The following KCNMB2 variants were observed in gnomAD, a reference collection of about 807,000 sequenced individuals.
KCNMB2 encodes the protein potassium calcium-activated channel subfamily M regulatory beta subunit 2, also known as calcium-activated potassium channel subunit beta-2.
In KCNMB2, 9 loss-of-function variants were observed where a neutral mutation model predicts 24.5. The observed-to-expected ratio is 0.37, with a 90% CI of 0.22 to 0.64. The LOEUF (loss-of-function observed/expected upper bound fraction) is 0.64. Ranked by LOEUF, KCNMB2 falls within the 30% of genes least tolerant of loss-of-function variation. The pLI is 0.63. For missense variants in KCNMB2, 226 were observed against 284.3 expected, an observed-to-expected ratio of 0.79 and a Z score of 1.47; for synonymous variants, 109 against 104.4, an observed-to-expected ratio of 1.04 and a Z score of -0.27.
At chr3:178,649,569 G>T (rs1419130556) in intron 1 of KCNMB2, among the ~76,000 whole-genome samples, 3 of 151,852 alleles carry the variant, frequency 2.0e-5, no homozygotes, top group African/African-American at 7.3e-5. Context: ...GTCTATTCAG[G>T]GATTTGACTG....
At chr3:178,625,783 G>A (rs1353232940) in intron 1 of KCNMB2, among the ~76,000 whole-genome samples, 1 of 152,154 alleles carries the variant, frequency 6.6e-6, no homozygotes, top group Non-Finnish European at 1.5e-5. Flanking sequence ...TGTAGTATAT[G>A]CTCAATATCC....
At position 178,842,892 on chromosome 3, in the gene KCNMB2, G is replaced by A. The variant is rs1367668075; in HGVS notation, c.663G>A (p.Gln221=). The change falls in exon 5 of 5, where the codon CAG becomes CAA. Residue 221 remains glutamine (Q), a synonymous_variant. Coordinates refer to ENST00000452583, the MANE Select transcript of KCNMB2 (RefSeq NM_181361.3). ...TTGTTGCCATGGTGAAACTTACACA[G>A]TACCTCTCCCTACTATGTGAGAGGA... is the stretch of plus-strand genomic sequence containing the variant. ...VAIVAMVKLT[Q]YLSLLCERIQ... The A allele has an allele frequency of 6.2e-7, 1 of 1,613,864 alleles. No homozygotes were observed. The highest frequency in any genetic ancestry group is 8.5e-7 in the Non-Finnish European group (1 of 1,179,826).
At chr3:178,691,788 G>C (rs1721688618) in intron 1 of KCNMB2, among the ~76,000 whole-genome samples, 1 of 152,060 alleles carries the variant, frequency 6.6e-6, no homozygotes, top group African/African-American at 2.4e-5. Flanking sequence ...TTGTTGGGTG[G>C]AATGGTATTT....
chr3:178,610,787 A>C (rs1327157681), intron 1 of KCNMB2, among the ~76,000 whole-genome samples: 3 of 152,190 alleles, frequency 2.0e-5, no homozygotes, highest in African/African-American at 7.2e-5. Flanking sequence ...ACTATTTTGA[A>C]TAGAATCCTT....
chr3:178,584,978 G>A (rs929422487), intron 1 of KCNMB2, among the ~76,000 whole-genome samples: 1 of 152,146 alleles, frequency 6.6e-6, no homozygotes, highest in African/African-American at 2.4e-5. Flanking sequence ...TATCTACAAT[G>A]TTCTTTCTTG....
At chr3:178,827,550 T>C (rs1332093179) in intron 3 of KCNMB2, among the ~76,000 whole-genome samples, 1 of 152,214 alleles carries the variant, frequency 6.6e-6, no homozygotes, top group Non-Finnish European at 1.5e-5. Context: ...TGTATGTAAA[T>C]TACCAATTAG....
At chr3:178,597,646 A>T (rs1039635108) in intron 1 of KCNMB2, among the ~76,000 whole-genome samples, 4 of 152,172 alleles carry the variant, frequency 2.6e-5, no homozygotes, top group Non-Finnish European at 4.4e-5. Flanking sequence ...ATTCACCATG[A>T]ACTGCATTAA....
chr3:178,692,148 T>G (rs1577101552), intron 1 of KCNMB2, among the ~76,000 whole-genome samples: 1 of 152,366 alleles, frequency 6.6e-6, no homozygotes. Context: ...ATTAGACCTT[T>G]GTCAGATGCA....
chr3:178,776,737 A>C (rs947891662), intron 1 of KCNMB2, among the ~76,000 whole-genome samples: 1 of 152,118 alleles, frequency 6.6e-6, no homozygotes, highest in African/African-American at 2.4e-5. Context: ...AAATAAAAGG[A>C]GGTGATAGTT....
At chr3:178,837,317 C>CA (rs1240860723) in intron 4 of KCNMB2, among the ~76,000 whole-genome samples, 28 of 151,748 alleles carry the variant, frequency 1.8e-4, no homozygotes, top group Non-Finnish European at 2.6e-4. Flanking sequence ...TTAATCCTCA[C>CA]AAAAAAAACC....
chr3:178,671,415 C>T (rs775855541), intron 1 of KCNMB2, among the ~76,000 whole-genome samples: 47 of 152,164 alleles, frequency 3.1e-4, no homozygotes, highest in Non-Finnish European at 2.4e-4. Context: ...TCCAAACACA[C>T]CACTACTGCC....
intron 1 of KCNMB2, among the ~76,000 whole-genome samples, chr3:178,739,756 A>T (rs1183286220): frequency 1.3e-5 from 2 of 152,302 alleles, no homozygotes; most frequent in East Asian, 3.9e-4. Context: ...GGTAACATAA[A>T]GGTGAGAGGT....
chr3:178,696,973 T>C (rs1258105977), intron 1 of KCNMB2, among the ~76,000 whole-genome samples: 2 of 152,220 alleles, frequency 1.3e-5, no homozygotes, highest in African/African-American at 2.4e-5. Context: ...CAAGAGATTG[T>C]TAGTTATCAT....
At chr3:178,595,905 A>T (rs17650998) in intron 1 of KCNMB2, among the ~76,000 whole-genome samples, 55,001 of 151,884 alleles carry the variant, frequency 0.36, 10,361 homozygotes, top group African/African-American at 0.48. Context: ...ACTGGGCACC[A>T]TTCAGTAGGT....
chr3:178,703,511 C>G (rs1189290737), intron 1 of KCNMB2, among the ~76,000 whole-genome samples: 1 of 132,998 alleles, frequency 7.5e-6, no homozygotes, highest in Admixed American at 7.1e-5. Flanking sequence ...AGGCACCCAC[C>G]CCCCCAAAAA....
chr3:178,694,087 T>C lies in KCNMB2; in HGVS notation c.-67-113256T>C, dbSNP rs113459305. 1.7e-3 allele frequency among the ~76,000 whole-genome samples: 253 copies of C among 152,252 alleles called. 1 individual carries two copies. The highest frequency in any genetic ancestry group is 5.8e-3 in the African/African-American group (242 of 41,550). On this transcript the variant is annotated intron_variant, in intron 1 of 4. Coordinates refer to ENST00000452583, the MANE Select transcript of KCNMB2 (RefSeq NM_181361.3). ...AAGAAGTTTGACTCCCAGTTCAGCA[T>C]AGCTGGGGAGGCCTCACGAAACTTA...
At chr3:178,644,595 A>T (rs1233388125) in intron 1 of KCNMB2, among the ~76,000 whole-genome samples, 1 of 152,206 alleles carries the variant, frequency 6.6e-6, no homozygotes, top group African/African-American at 2.4e-5. Flanking sequence ...TTAAGCTCCA[A>T]TGTGTTCACA....
At chr3:178,678,004 C>T (rs948039764) in intron 1 of KCNMB2, among the ~76,000 whole-genome samples, 14 of 152,242 alleles carry the variant, frequency 9.2e-5, no homozygotes, top group East Asian at 3.9e-4. Context: ...AAGAAGGACA[C>T]GAAGGCTCCC....
intron 1 of KCNMB2, among the ~76,000 whole-genome samples, chr3:178,688,441 G>A (rs1284280571): frequency 1.3e-5 from 2 of 152,074 alleles, no homozygotes; most frequent in Non-Finnish European, 2.9e-5. Flanking sequence ...TAAAAAACAA[G>A]TATAATGATG....
Sources: allele counts gnomAD v4.1 joint callset (sites outside exome capture counted in the v4.1 genomes callset), GRCh38; gene constraint gnomAD v4.1.1; transcripts MANE v1.5; gene names NCBI Gene and HGNC (gene_info 2026-07-23, HGNC 2026-07-21).